Variants in SNCAIP observed in about 807,000 individuals in gnomAD.
The protein encoded by SNCAIP is synphilin-1.
Under a neutral mutation model 86.7 loss-of-function variants are expected in SNCAIP, and 43 were observed. The ratio of observed to expected loss-of-function variants is 0.50; its 90% CI spans 0.39 to 0.64. SNCAIP has a LOEUF of 0.64. Ranked by LOEUF, SNCAIP falls within the 30% of genes least tolerant of loss-of-function variation. The pLI is 0.00. For missense variants in SNCAIP, 981 were observed against 1,103.1 expected, an observed-to-expected ratio of 0.89 and a Z score of 1.57; for synonymous variants, 417 against 427.2, an observed-to-expected ratio of 0.98 and a Z score of 0.29.
chr5:122,363,798 A>C, intron 1 of SNCAIP, among the ~76,000 whole-genome samples: 1 of 140,312 alleles, frequency 7.1e-6, no homozygotes, highest in Non-Finnish European at 1.5e-5. Context: ...CTATTTATTT[A>C]TTTATTTATT....
chr5:122,382,419 T>C (rs917104593), intron 1 of SNCAIP, among the ~76,000 whole-genome samples: 1 of 152,208 alleles, frequency 6.6e-6, no homozygotes, highest in Non-Finnish European at 1.5e-5. Flanking sequence ...CTTCTCTGTA[T>C]TGGTTATTCT....
chr5:122,382,312 C>T (rs1470844485), intron 1 of SNCAIP, among the ~76,000 whole-genome samples: 1 of 152,138 alleles, frequency 6.6e-6, no homozygotes, highest in African/African-American at 2.4e-5. Context: ...TTGCTGATAC[C>T]CTTTCTTCCA....
intron 2 of SNCAIP, among the ~76,000 whole-genome samples, chr5:122,400,476 G>C (rs1480575700): frequency 6.6e-6 from 1 of 152,202 alleles, no homozygotes; most frequent in Admixed American, 6.5e-5. Flanking sequence ...TGTGTGCCAT[G>C]CACATATACA....
At chr5:122,389,782 C>T (rs531118474) in intron 1 of SNCAIP, 7 of 151,884 alleles carry the variant, frequency 4.6e-5, no homozygotes, top group African/African-American at 1.7e-4. Flanking sequence ...GACTCTGTAT[C>T]TATTGTAATT....
At chr5:122,367,693 G>C (rs559097282) in intron 1 of SNCAIP, among the ~76,000 whole-genome samples, 14 of 152,190 alleles carry the variant, frequency 9.2e-5, no homozygotes, top group African/African-American at 2.6e-4. Context: ...TCTTGGCAAA[G>C]AACCCAGGTA....
intron 1 of SNCAIP, among the ~76,000 whole-genome samples, chr5:122,353,549 A>T (rs1489885887): frequency 6.6e-6 from 1 of 151,760 alleles, no homozygotes; most frequent in African/African-American, 2.4e-5. Context: ...CCCACATGTC[A>T]TGGGAGGGAC....
At chr5:122,444,189 A>T (rs1294335028) in intron 7 of SNCAIP, 1 of 466,118 alleles carries the variant, frequency 2.1e-6, no homozygotes, top group Non-Finnish European at 4.3e-6. Context: ...CAAGCAAATG[A>T]GAACAGGTAA....
intron 1 of SNCAIP, among the ~76,000 whole-genome samples, chr5:122,313,705 T>G (rs1372434506): frequency 6.6e-6 from 1 of 152,334 alleles, no homozygotes; most frequent in African/African-American, 2.4e-5. Flanking sequence ...TCAGCATGGT[T>G]AGAGTACAAG....
intron 1 of SNCAIP, among the ~76,000 whole-genome samples, chr5:122,365,629 A>G (rs977124386): frequency 7.9e-5 from 12 of 152,238 alleles, no homozygotes; most frequent in African/African-American, 2.9e-4. Context: ...CAGTGAGCCA[A>G]GATTGCGCCA....
At chr5:122,429,490 A>C (rs760797288) in intron 5 of SNCAIP, among the ~76,000 whole-genome samples, 47 of 151,638 alleles carry the variant, frequency 3.1e-4, no homozygotes, top group Non-Finnish European at 5.6e-4. Context: ...CTACATTACT[A>C]AAATCAGAAA....
At chr5:122,389,481 G>A (rs985314798) in intron 1 of SNCAIP, 1 of 152,186 alleles carries the variant, frequency 6.6e-6, no homozygotes, top group African/African-American at 2.4e-5. Flanking sequence ...ATCCATCACA[G>A]TAGGAGAGAA....
At chr5:122,333,421 G>A (rs759641924) in intron 1 of SNCAIP, among the ~76,000 whole-genome samples, 3 of 152,166 alleles carry the variant, frequency 2.0e-5, no homozygotes, top group Non-Finnish European at 2.9e-5. Context: ...ACTACCGCCT[G>A]CCTTGCATAG....
At chr5:122,313,563 G>C (rs1359561681) in intron 1 of SNCAIP, among the ~76,000 whole-genome samples, 1 of 152,230 alleles carries the variant, frequency 6.6e-6, no homozygotes, top group African/African-American at 2.4e-5. Context: ...GTTGAAATCT[G>C]TATTTCATTT....
intron 10 of SNCAIP, among the ~76,000 whole-genome samples, chr5:122,462,377 T>G (rs1406095430): frequency 6.6e-6 from 1 of 152,206 alleles, no homozygotes; most frequent in Non-Finnish European, 1.5e-5. Context: ...AATTTGTGCC[T>G]TTTTTATTTA....
intron 5 of SNCAIP, among the ~76,000 whole-genome samples, chr5:122,429,631 T>G (rs1267249601): frequency 6.6e-6 from 1 of 152,096 alleles, no homozygotes; most frequent in African/African-American, 2.4e-5. Flanking sequence ...ATTGTATTTG[T>G]GTGTTAGTGG....
intron 1 of SNCAIP, among the ~76,000 whole-genome samples, chr5:122,337,934 C>T (rs554366339): frequency 1.9e-4 from 29 of 152,146 alleles, no homozygotes; most frequent in Non-Finnish European, 3.5e-4. Flanking sequence ...TCAGAAAATT[C>T]GAGAGGACTT....
At chr5:122,436,956 T>A (rs1395849322) in intron 6 of SNCAIP, 1 of 152,174 alleles carries the variant, frequency 6.6e-6, no homozygotes, top group Non-Finnish European at 1.5e-5. Flanking sequence ...TACATGAAGG[T>A]TGAATGGATA....
chr5:122,449,454 T>C (rs1440286027), intron 8 of SNCAIP, among the ~76,000 whole-genome samples: 1 of 152,164 alleles, frequency 6.6e-6, no homozygotes, highest in Admixed American at 6.5e-5. Context: ...ACTTCATATA[T>C]ACATATTTAT....
At chr5:122,348,948 T>G (rs1759218195) in intron 1 of SNCAIP, among the ~76,000 whole-genome samples, 1 of 152,182 alleles carries the variant, frequency 6.6e-6, no homozygotes, top group Non-Finnish European at 1.5e-5. Flanking sequence ...AAATTATAGT[T>G]TAAACTTTGT....
Sources: gnomAD v4.1 joint callset for allele counts (sites outside exome capture counted in the v4.1 genomes callset) on GRCh38, gnomAD v4.1.1 for gene constraint, MANE v1.5 for transcripts, NCBI Gene and HGNC (gene_info 2026-07-23, HGNC 2026-07-21) for gene names.